The following TRIM33 variants were observed in gnomAD, a reference collection of about 807,000 sequenced individuals.
TRIM33 encodes the protein tripartite motif containing 33.
TRIM33 carries 20 observed loss-of-function variants against 125.4 expected under a neutral mutation model. The observed-to-expected ratio is 0.16, with a 90% CI of 0.11 to 0.23. The LOEUF is 0.23. Among genes scored for constraint, TRIM33 ranks in the 10% least tolerant of loss-of-function variants. The pLI is 1.00. For missense variants in TRIM33, 920 were observed against 1,411.4 expected (o/e 0.65, Z 5.58); for synonymous variants, 564 against 513.9 (o/e 1.10, Z -1.32).
chr1:114,430,823 C>T lies in TRIM33; in HGVS notation c.1130G>A (p.Gly377Glu), dbSNP rs1486761000. The T allele has an allele frequency of 6.3e-7, 1 of 1,599,048 alleles. No individual in the cohort carries two copies. Among genetic ancestry groups the T allele is most frequent in the South Asian group, 1.1e-5 (1 of 90,762 alleles). Residue 377 changes from glycine to glutamate, a missense_variant, in exon 6 of 20, where the codon GGA (glycine) becomes GAA (glutamate). Physicochemically the swap from Gly to Glu is moderately conservative, Grantham distance 98 (BLOSUM62 -2). Around this residue, in one of 8 missense-constraint regions of TRIM33, gnomAD observed 50 missense variants for 110.8 expected, o/e 0.45. Transcript: ENST00000358465. ...FTLINEINKK[G>E]KSLLQQLENV... is the part of the protein sequence containing the mutation. ...CTCTAGCTGTTGTAAGAGAGATTTT[C>T]CTTTCTTATTAATTTCATTGATAAG...
Position 114,397,308 on chromosome 1 carries a change from A to G in TRIM33, c.*340T>C, listed in dbSNP as rs895288979. 8 of 315,400 alleles carry G rather than the reference A, an allele frequency of 2.5e-5. No homozygotes were observed. The highest frequency in any genetic ancestry group is 4.7e-5 in the Non-Finnish European group (8 of 170,538). The allele number at this position is 315,400 out of a possible 1,614,324, so 19.5% of individuals were successfully genotyped here. A position where few individuals can be genotyped will look rare whatever the true frequency, so the allele number is the denominator to read the frequency against. ...ACGAGTCTCAAGTATTTACTCGTAT[A>G]CCAAGTATCCTGCACCAATCAATAG... On this transcript the variant is annotated 3_prime_UTR_variant, in exon 20 of 20. Coordinates refer to ENST00000358465, the MANE Select transcript of TRIM33 (RefSeq NM_015906.4).
At chr1:114,496,945 C>T (rs1220089389) in intron 1 of TRIM33, among the ~76,000 whole-genome samples, 2 of 152,208 alleles carry the variant, frequency 1.3e-5, no homozygotes, top group African/African-American at 2.4e-5. Context: ...TCTTTCAGCA[C>T]AGCTATAGTG....
chr1:114,436,128 C>T (rs906618064), intron 4 of TRIM33, among the ~76,000 whole-genome samples: 3 of 151,418 alleles, frequency 2.0e-5, no homozygotes, highest in East Asian at 2.0e-4. Flanking sequence ...ACAGGCCAGG[C>T]GTGGTGGCTC....
chr1:114,511,176 C>T lies in TRIM33; in HGVS notation c.-100G>A. ...CCAGCCGCAGCCGCAGCAAGAGCGG[C>T]AGCCGAGAGCTAGCGAGAGAGCGAA... is the stretch of plus-strand genomic sequence containing the variant. On this transcript the variant is annotated 5_prime_UTR_variant, in exon 1 of 20. Coordinates refer to ENST00000358465, the MANE Select transcript of TRIM33 (RefSeq NM_015906.4). 9.8e-7 allele frequency: 1 copy of T among 1,017,386 alleles called. No individual in the cohort carries two copies. Among genetic ancestry groups the T allele is most frequent in the African/African-American group, 1.7e-5 (1 of 58,034 alleles). The allele number at this position is 1,017,386 out of a possible 1,614,324, so 63.0% of individuals were successfully genotyped here.
intron 4 of TRIM33, among the ~76,000 whole-genome samples, chr1:114,445,127 A>G (rs1424339962): frequency 6.6e-6 from 1 of 152,216 alleles, no homozygotes; most frequent in African/African-American, 2.4e-5. Flanking sequence ...ATCCAGTGTG[A>G]AGAAGAGAGG....
At position 114,510,746 on chromosome 1, in the gene TRIM33, C is replaced by A; in HGVS notation, c.331G>T (p.Ala111Ser). The A allele has an allele frequency of 2.0e-6, 3 of 1,524,344 alleles. No individual in the cohort carries two copies. Among genetic ancestry groups the A allele is most frequent in the East Asian group, 2.5e-5 (1 of 40,224 alleles). The allele number at this position is 1,524,344 out of a possible 1,614,324, so 94.4% of individuals were successfully genotyped here. A position where few individuals can be genotyped will look rare whatever the true frequency, so the allele number is the denominator to read the frequency against. The change falls in exon 1 of 20, where the codon GCA (alanine) becomes TCA (serine). Residue 111 changes from alanine (A) to serine (S), a missense_variant. By Grantham distance (99) the Ala-to-Ser change is moderately conservative. This residue lies in a region of TRIM33 where 233 missense variants were observed against 189.6 expected (regional missense o/e 1.23). Coordinates refer to ENST00000358465, the MANE Select transcript of TRIM33 (RefSeq NM_015906.4). ...GCTGGCGGTCCAGGAGGCGGCCCTG[C>A]CGAGGGACCCGGAGCGGGAGCCGAG... ...PASAPAPGPS[A>S]GPPPGPPASL... is the part of the protein sequence containing the mutation.
chr1:114,414,502 C>T (rs1356565009), intron 11 of TRIM33, among the ~76,000 whole-genome samples: 1 of 152,084 alleles, frequency 6.6e-6, no homozygotes, highest in Non-Finnish European at 1.5e-5. Flanking sequence ...TGCCCTTTTT[C>T]CTAATAAAAT....
At chr1:114,417,350 T>G (rs1311956027) in intron 11 of TRIM33, among the ~76,000 whole-genome samples, 1 of 152,206 alleles carries the variant, frequency 6.6e-6, no homozygotes, top group East Asian at 1.9e-4. Context: ...GTATATGAAT[T>G]GTATTTCAAT....
intron 1 of TRIM33, among the ~76,000 whole-genome samples, chr1:114,483,088 T>C (rs372744017): frequency 4.6e-5 from 7 of 152,134 alleles, no homozygotes; most frequent in Non-Finnish European, 1.0e-4. Context: ...GAGGATCACT[T>C]GAGACCAGGT....
intron 1 of TRIM33, among the ~76,000 whole-genome samples, chr1:114,466,797 T>C (rs768231294): frequency 2.0e-5 from 3 of 152,238 alleles, no homozygotes; most frequent in Non-Finnish European, 2.9e-5. Context: ...TTCTCCATGT[T>C]AGTCAGGCTG....
intron 1 of TRIM33, among the ~76,000 whole-genome samples, chr1:114,492,195 T>A (rs1170893566): frequency 6.6e-6 from 1 of 152,182 alleles, no homozygotes; most frequent in South Asian, 2.1e-4. Flanking sequence ...GGGTTACAAA[T>A]AAATTTTAGC....
Position 114,405,774 on chromosome 1 carries a change from T to C in TRIM33, c.2419-15A>G. ...GGACTGCTCAACTAAAACAAAACGATGACAAATTCTTGAAGAATCATTTAA... is the reference window on the plus strand; with the variant it reads ...GGACTGCTCAACTAAAACAAAACGACGACAAATTCTTGAAGAATCATTTAA... On this transcript the variant is annotated splice_polypyrimidine_tract_variant and intron_variant, in intron 14 of 19. Transcript: ENST00000358465. 4 of 1,578,406 alleles carry C rather than the reference T, an allele frequency of 2.5e-6. No individual in the cohort carries two copies. Among genetic ancestry groups the C allele is most frequent in the Non-Finnish European group, 3.4e-6 (4 of 1,161,442 alleles).
chr1:114,490,287 G>C (rs570913823), intron 1 of TRIM33, among the ~76,000 whole-genome samples: 14 of 152,124 alleles, frequency 9.2e-5, no homozygotes, highest in African/African-American at 3.1e-4. Flanking sequence ...AAGTGCAAAA[G>C]AAAATGCTCA....
Position 114,397,829 on chromosome 1 carries a change from G to C in TRIM33, c.3203C>G (p.Ala1068Gly). 1.2e-6 allele frequency: 2 copies of C among 1,613,726 alleles called. No individual in the cohort carries two copies. The highest frequency in any genetic ancestry group is 2.2e-5 in the South Asian group (2 of 91,058). ...TTTATCTTCAAAGTACAATGCAACT[G>C]CTTTCCCTGCCTGAGCTACTTCTGA... ...ADSEVAQAGK[A>G]VALYFEDKLT... The change falls in exon 20 of 20, where the codon GCA becomes GGA. Residue 1068 changes from alanine (A) to glycine (G), a missense_variant. Physicochemically the swap from Ala to Gly is moderately conservative, Grantham distance 60. Coordinates refer to ENST00000358465, the MANE Select transcript of TRIM33 (RefSeq NM_015906.4).
At chr1:114,504,789 A>G (rs1354241194) in intron 1 of TRIM33, among the ~76,000 whole-genome samples, 2 of 152,254 alleles carry the variant, frequency 1.3e-5, no homozygotes, top group Non-Finnish European at 2.9e-5. Flanking sequence ...TTAGGACATT[A>G]GTTTATAAGT....
chr1:114,476,583 T>C (rs1422915023), intron 1 of TRIM33, among the ~76,000 whole-genome samples: 1 of 152,022 alleles, frequency 6.6e-6, no homozygotes, highest in Non-Finnish European at 1.5e-5. Flanking sequence ...TAAAAATTTT[T>C]TGAGAAAAAA....
At chr1:114,453,320 T>C (rs146109483) in intron 4 of TRIM33, among the ~76,000 whole-genome samples, 3,851 of 149,346 alleles carry the variant, frequency 0.026, 84 homozygotes, top group Non-Finnish European at 0.034. Flanking sequence ...GCCGAGATCA[T>C]GCCACTGCAC....
chr1:114,409,318 A>T (rs150426710), intron 12 of TRIM33, among the ~76,000 whole-genome samples: 3 of 152,338 alleles, frequency 2.0e-5, no homozygotes, highest in Admixed American at 2.0e-4. Context: ...ACTGAGTAAT[A>T]GGGTTAATAA....
At chr1:114,407,711 T>A (rs956448247) in intron 13 of TRIM33, among the ~76,000 whole-genome samples, 23 of 152,192 alleles carry the variant, frequency 1.5e-4, no homozygotes, top group African/African-American at 5.3e-4. Context: ...GTAACATATA[T>A]AATGGATTAA....
Sources: allele counts gnomAD v4.1 joint callset (sites outside exome capture counted in the v4.1 genomes callset), GRCh38; gene constraint gnomAD v4.1.1; regional missense constraint gnomAD v4.1.1; transcripts MANE v1.5; gene names NCBI Gene and HGNC (gene_info 2026-07-23, HGNC 2026-07-21).